The following WDR17 variants were observed in gnomAD, a reference collection of about 807,000 sequenced individuals.
WDR17 encodes WD repeat-containing protein 17.
Under a neutral mutation model 161.7 loss-of-function variants are expected in WDR17, and 143 were observed. The ratio of observed to expected loss-of-function variants is 0.88; its 90% CI spans 0.77 to 1.02. The LOEUF (loss-of-function observed/expected upper bound fraction) is 1.02. WDR17 is among the 50% of genes least tolerant of loss of function. The pLI, the probability that WDR17 is intolerant of heterozygous loss-of-function variation, is 0.00. For synonymous variants in WDR17, 517 were observed against 515.6 expected, an observed-to-expected ratio of 1.00 and a Z score of -0.04; for missense variants, 1,469 against 1,520.9, an observed-to-expected ratio of 0.97 and a Z score of 0.57.
At chr4:176,137,765 T>C (rs1306485030) in intron 9 of WDR17, among the ~76,000 whole-genome samples, 154 bp downstream of exon 9, 1 of 151,634 alleles carries the variant, frequency 6.6e-6, no homozygotes, top group Non-Finnish European at 1.5e-5. Context: ...AATACTCACA[T>C]ACTAAAATGA....
intron 12 of WDR17, among the ~76,000 whole-genome samples, chr4:176,146,792 T>C (rs1746244662): frequency 6.6e-6 from 1 of 152,174 alleles, no homozygotes; most frequent in Non-Finnish European, 1.5e-5. Flanking sequence ...TATAAGAAAT[T>C]AGCAACAAAA....
intron 1 of WDR17, among the ~76,000 whole-genome samples, chr4:176,082,172 T>C (rs903346374): frequency 5.3e-5 from 8 of 152,122 alleles, no homozygotes; most frequent in Middle Eastern, 6.8e-3. Context: ...GCAACAGATA[T>C]ATATGGATTA....
At position 176,096,622 on chromosome 4, in the gene WDR17, A is replaced by G. The variant is rs376311885; in HGVS notation, c.-6-14953A>G. The G allele has an allele frequency of 4.6e-6, 7 of 1,515,384 alleles. No homozygotes were observed. In the African/African-American group the frequency reaches 5.7e-5, roughly 12 times the overall value. 93.9% of individuals were successfully genotyped at this position (1,515,384 alleles called of 1,614,324 possible). ...TTACTTGTAATTACGATTTCCTGCG[A>G]TTTTTTTTCTGCTTTGCTTCTCATA... On this transcript the variant is annotated intron_variant, in intron 1 of 28. Transcript: ENST00000508596.
At chr4:176,074,410 C>G (rs1034573940) in intron 1 of WDR17, among the ~76,000 whole-genome samples, 4 of 151,376 alleles carry the variant, frequency 2.6e-5, no homozygotes, top group Non-Finnish European at 5.9e-5. Flanking sequence ...ATATACTACA[C>G]ATATACATAT....
In WDR17 at chr4:176,177,495, A is replaced by G; in HGVS notation, c.3573A>G (p.Thr1191=). 6.3e-7 allele frequency: 1 copy of G among 1,576,432 alleles called. No individual in the cohort carries two copies. The highest frequency in any genetic ancestry group is 2.3e-5 in the East Asian group (1 of 44,226). Residue 1191 remains threonine, a synonymous_variant, in exon 28 of 29, where the codon ACA becomes ACG. Coordinates refer to ENST00000508596, the MANE Select transcript of WDR17 (RefSeq NM_181265.4). ...GATCATTAGAAGACTCTCCGTATAC[A>G]CCCCCTTCTGATTCACAAAGAATGA... ...TNRSLEDSPY[T]PPSDSQRMIY...
rs183549407 is a variant in WDR17, at chr4:176,175,249, A to G, written c.3449+531A>G. On this transcript the variant is annotated intron_variant, in intron 26 of 28. Transcript: ENST00000508596. Reference sequence around the variant, plus strand: ...TCACTAAAAGAAAATAGGAAACTGAATATTTTAGCTTTTCAATCTCTACAG... The same window carrying G: ...TCACTAAAAGAAAATAGGAAACTGAGTATTTTAGCTTTTCAATCTCTACAG... 1.5e-3 allele frequency among the ~76,000 whole-genome samples: 229 copies of G among 152,316 alleles called. 2 individuals carry two copies. In the South Asian group the frequency reaches 0.017, roughly 11 times the overall value.
At chr4:176,169,184 A>T (rs866875428) in intron 23 of WDR17, among the ~76,000 whole-genome samples, 6 of 152,206 alleles carry the variant, frequency 3.9e-5, no homozygotes, top group African/African-American at 9.6e-5. Flanking sequence ...ATAAATTTTT[A>T]AAATAGACAA....
chr4:176,071,458 G>T (rs1166544798), intron 1 of WDR17, among the ~76,000 whole-genome samples: 1 of 152,024 alleles, frequency 6.6e-6, no homozygotes, highest in Non-Finnish European at 1.5e-5. Context: ...GAGTAGCTGG[G>T]ATTACAGGCG....
At position 176,125,303 on chromosome 4, in the gene WDR17, T is replaced by C. The variant is rs1347081086; in HGVS notation, c.738T>C (p.Ser246=). The change falls in exon 5 of 29, where the codon TCT becomes TCC. Residue 246 remains serine (S), a synonymous_variant. Coordinates refer to ENST00000508596, the MANE Select transcript of WDR17 (RefSeq NM_181265.4). ...TTAATCTTCCCAGTGCAGCAGCTTCTGTACAGTGCTTAGCCTGGGTTCCCA... is the reference window on the plus strand; with the variant it reads ...TTAATCTTCCCAGTGCAGCAGCTTCCGTACAGTGCTTAGCCTGGGTTCCCA... The part of the protein sequence containing the change: ...TTFNLPSAAA[S]VQCLAWVPSA... 5.6e-6 allele frequency: 9 copies of C among 1,614,070 alleles called. No homozygotes were observed. The Admixed American group carries it at 1.5e-4, about 27-fold the overall frequency.
intron 9 of WDR17, among the ~76,000 whole-genome samples, chr4:176,138,771 A>T (rs1446977653): frequency 6.6e-6 from 1 of 151,844 alleles, no homozygotes; most frequent in Non-Finnish European, 1.5e-5. Context: ...CTGATTGTGG[A>T]AACCCAGCAT....
chr4:176,099,492 A>G (rs1737443049), intron 1 of WDR17, among the ~76,000 whole-genome samples: 1 of 152,188 alleles, frequency 6.6e-6, no homozygotes, highest in Non-Finnish European at 1.5e-5. Context: ...CTCACAGTGC[A>G]TATTAGAGAA....
intron 5 of WDR17, among the ~76,000 whole-genome samples, chr4:176,126,635 A>G (rs188595077): frequency 1.3e-5 from 2 of 152,276 alleles, no homozygotes; most frequent in African/African-American, 4.8e-5. Context: ...TGTTGAACCC[A>G]TGTGAATAAT....
intron 26 of WDR17, among the ~76,000 whole-genome samples, chr4:176,176,291 T>C (rs1026911039): frequency 6.6e-6 from 1 of 152,154 alleles, no homozygotes; most frequent in African/African-American, 2.4e-5. Flanking sequence ...GAAAGAGAAA[T>C]TGATAATTTC....
intron 5 of WDR17, among the ~76,000 whole-genome samples, chr4:176,126,950 C>T (rs978141868): frequency 6.6e-6 from 1 of 152,194 alleles, no homozygotes; most frequent in African/African-American, 2.4e-5. Flanking sequence ...TTGTAAGTTT[C>T]CTGAGGCCTC....
intron 17 of WDR17, among the ~76,000 whole-genome samples, chr4:176,155,336 G>C (rs1360812362): frequency 6.6e-6 from 1 of 151,248 alleles, no homozygotes; most frequent in Non-Finnish European, 1.5e-5. Context: ...AATATGTAGA[G>C]ACTTCAAAAA....
chr4:176,077,156 T>G (rs1336146540), intron 1 of WDR17, among the ~76,000 whole-genome samples: 1 of 2,626 alleles, frequency 3.8e-4, no homozygotes, highest in Non-Finnish European at 4.5e-3. Flanking sequence ...TTTCTCCCAA[T>G]TTTTTTTTTT....
At chr4:176,068,600 A>C (rs1186573036) in intron 1 of WDR17, among the ~76,000 whole-genome samples, 1 of 152,160 alleles carries the variant, frequency 6.6e-6, no homozygotes, top group East Asian at 1.9e-4. Context: ...AGACAACGTC[A>C]AAAAAATTAA....
chr4:176,157,973 G>A (rs1748422118), intron 18 of WDR17, among the ~76,000 whole-genome samples: 1 of 152,204 alleles, frequency 6.6e-6, no homozygotes, highest in Non-Finnish European at 1.5e-5. Flanking sequence ...AAAGGAGGCT[G>A]CTGTAGCTGG....
rs72706344 is a variant in WDR17, at chr4:176,095,894, T to C, written c.-6-15681T>C. Among the ~76,000 whole-genome samples the C allele has an allele frequency of 6.5e-3, 997 of 152,234 alleles. 7 individuals carry two copies. The highest frequency in any genetic ancestry group is 9.9e-3 in the Non-Finnish European group (676 of 67,984). On this transcript the variant is annotated intron_variant, in intron 1 of 28. Coordinates refer to ENST00000508596, the MANE Select transcript of WDR17 (RefSeq NM_181265.4). Reference sequence around the variant, plus strand: ...GTAAATATTTCCTTCTAAAAATGAGTAAAACTAAAATTAAATTACATTCAT... The same window carrying C: ...GTAAATATTTCCTTCTAAAAATGAGCAAAACTAAAATTAAATTACATTCAT...
Sources: gnomAD v4.1 joint callset for allele counts (sites outside exome capture counted in the v4.1 genomes callset) on GRCh38, gnomAD v4.1.1 for gene constraint, MANE v1.5 for transcripts, NCBI Gene and HGNC (gene_info 2026-07-23, HGNC 2026-07-21) for gene names.